SH3RF2: variants seen among roughly 807,000 people sequenced by gnomAD.
The protein encoded by SH3RF2 is E3 ubiquitin-protein ligase SH3RF2.
SH3RF2 carries 43 observed loss-of-function variants against 59.0 expected under a neutral mutation model. The ratio of observed to expected loss-of-function variants is 0.73; its 90% confidence interval spans 0.57 to 0.94. The LOEUF is 0.94. Among genes scored for constraint, SH3RF2 ranks in the 40% least tolerant of loss-of-function variants. The pLI, the probability that SH3RF2 is intolerant of heterozygous loss-of-function variation, is 0.00. For synonymous variants in SH3RF2, 391 were observed against 391.5 expected, an observed-to-expected ratio of 1.00 and a Z score of 0.01; for missense variants, 930 against 940.1, an observed-to-expected ratio of 0.99 and a Z score of 0.14.
At chr5:145,995,651 G>C (rs1760119789) in intron 2 of SH3RF2, among the ~76,000 whole-genome samples, 1 of 152,042 alleles carries the variant, frequency 6.6e-6, no homozygotes, top group South Asian at 2.1e-4. Flanking sequence ...TTATAGAAAA[G>C]TTAGAGAACA....
At chr5:146,014,766 C>T (rs1445866570) in intron 5 of SH3RF2, among the ~76,000 whole-genome samples, 1 of 152,166 alleles carries the variant, frequency 6.6e-6, no homozygotes, top group Non-Finnish European at 1.5e-5. Context: ...TGATGCCCAC[C>T]ATATACTAAG....
rs575242298 is a variant in SH3RF2 at position 146,036,693 on chromosome 5, T to G, written c.1060-11079T>G. On this transcript the variant is annotated intron_variant, in intron 5 of 9. Transcript: ENST00000359120. ...CTGGGTGACAGAGCGAAACTCTATC[T>G]AAAAAAAAGAGAAAACAGCAAGGGA... Among the ~76,000 whole-genome samples the G allele has an allele frequency of 9.2e-5, 14 of 152,022 alleles. No homozygotes were observed. In the South Asian group the frequency reaches 1.7e-3, roughly 18 times the overall value.
At chr5:145,994,055 G>A (rs947271514) in intron 2 of SH3RF2, among the ~76,000 whole-genome samples, 3 of 152,122 alleles carry the variant, frequency 2.0e-5, no homozygotes, top group African/African-American at 7.2e-5. Context: ...CACCAGATAC[G>A]CTAAATCAAC....
At position 145,979,687 on chromosome 5, in the gene SH3RF2, C is replaced by T. The variant is rs538292301; in HGVS notation, c.379-20371C>T. On this transcript the variant is annotated intron_variant, in intron 2 of 9. Coordinates refer to ENST00000359120, the MANE Select transcript of SH3RF2 (RefSeq NM_152550.4). ...ACAAGCCCATGGAAGCTGGCTCCAG[C>T]ACACCATTGTCTCTAAGACTCAATT... Among the ~76,000 whole-genome samples the T allele has an allele frequency of 7.9e-4, 121 of 152,318 alleles. 1 individual carries two copies. Among genetic ancestry groups the T allele is most frequent in the African/African-American group, 2.8e-3 (118 of 41,582 alleles).
At chr5:146,036,626 C>T (rs566434940) in intron 5 of SH3RF2, among the ~76,000 whole-genome samples, 63 of 152,176 alleles carry the variant, frequency 4.1e-4, no homozygotes, top group Admixed American at 1.7e-3. Context: ...ACATGGCAGG[C>T]AGAGGTTGCA....
chr5:145,938,114 G>T lies in SH3RF2; in HGVS notation c.186G>T (p.Ala62=), dbSNP rs768635095. Residue 62 remains alanine, a synonymous_variant, in exon 2 of 10, where the codon GCG becomes GCT. Coordinates refer to ENST00000359120, the MANE Select transcript of SH3RF2 (RefSeq NM_152550.4). Reference sequence around the variant, plus strand: ...CGCCTGTGTTTTCCAACATTGAGGCGCTGCCGGCCAACCTGCTGCTCGTGC... The same window carrying T: ...CGCCTGTGTTTTCCAACATTGAGGCTCTGCCGGCCAACCTGCTGCTCGTGC... ...CRTPVFSNIE[A]LPANLLLVRL... 1 of 1,614,220 alleles carries T rather than the reference G, an allele frequency of 6.2e-7. No homozygotes were observed. The highest frequency in any genetic ancestry group is 8.5e-7 in the Non-Finnish European group (1 of 1,180,040).
intron 2 of SH3RF2, among the ~76,000 whole-genome samples, chr5:145,996,378 T>C (rs1036470453): frequency 1.1e-4 from 17 of 152,196 alleles, no homozygotes; most frequent in Admixed American, 3.3e-4. Context: ...TGTTAGAACT[T>C]GCAGTTTACC....
chr5:145,949,483 G>C (rs1202802995), intron 2 of SH3RF2, among the ~76,000 whole-genome samples: 1 of 152,166 alleles, frequency 6.6e-6, no homozygotes, highest in African/African-American at 2.4e-5. Context: ...AATCTTATCT[G>C]GGACTTTTGC....
chr5:146,080,733 T>TG (rs1331132695), exon 10 of SH3RF2: 6 of 152,246 alleles, frequency 3.9e-5, no homozygotes, highest in African/African-American at 7.2e-5. Flanking sequence ...GTGTTGGTGT[T>TG]GGTGTTGTTT....
intron 2 of SH3RF2, chr5:145,997,775 C>T: frequency 1.9e-6 from 3 of 1,570,658 alleles, no homozygotes. Flanking sequence ...AAAAAAGAGT[C>T]ACTCCCTAAA....
At chr5:146,000,004 T>C (rs1314104924) in intron 2 of SH3RF2, 54 bp from the exon 3 acceptor site, 2 of 1,569,198 alleles carry the variant, frequency 1.3e-6, no homozygotes, top group East Asian at 4.6e-5. Context: ...TTGTATCTTC[T>C]GTTCCTCTAG....
At chr5:146,063,678 G>T (rs190473917), downstream of SH3RF2, among the ~76,000 whole-genome samples, 4 of 152,116 alleles carry the variant, frequency 2.6e-5, no homozygotes, top group African/African-American at 4.8e-5. Context: ...TGGCCAACAT[G>T]ATCAAACCCC....
intron 2 of SH3RF2, among the ~76,000 whole-genome samples, chr5:145,979,560 G>A (rs1279629140): frequency 6.6e-6 from 1 of 152,108 alleles, no homozygotes; most frequent in South Asian, 2.1e-4. Flanking sequence ...AAATGGGTTC[G>A]CTCATTTTCA....
chr5:145,953,380 A>G (rs1189118079), intron 2 of SH3RF2, among the ~76,000 whole-genome samples: 1 of 152,128 alleles, frequency 6.6e-6, no homozygotes, highest in African/African-American at 2.4e-5. Flanking sequence ...GGACTTGGCA[A>G]GATCTGAGTT....
intron 5 of SH3RF2, among the ~76,000 whole-genome samples, chr5:146,037,789 C>A (rs975938788): frequency 1.3e-5 from 2 of 152,162 alleles, no homozygotes; most frequent in African/African-American, 4.8e-5. Context: ...TATATAAATT[C>A]TTCCAAAGAA....
At chr5:145,993,063 T>A (rs1412145586) in intron 2 of SH3RF2, among the ~76,000 whole-genome samples, 1 of 151,812 alleles carries the variant, frequency 6.6e-6, no homozygotes, top group Non-Finnish European at 1.5e-5. Flanking sequence ...ATACAGCCAT[T>A]TCAAATGGGA....
chr5:146,039,429 C>T (rs962115278), intron 5 of SH3RF2, among the ~76,000 whole-genome samples: 1 of 151,182 alleles, frequency 6.6e-6, no homozygotes, highest in African/African-American at 2.4e-5. Flanking sequence ...CATGGAAGAG[C>T]GGGATACGAA....
chr5:146,031,869 C>A (rs1761756175), intron 5 of SH3RF2, among the ~76,000 whole-genome samples: 1 of 152,148 alleles, frequency 6.6e-6, no homozygotes, highest in South Asian at 2.1e-4. Context: ...TTGGCTGGTG[C>A]ATCCCCAGCA....
intron 7 of SH3RF2, among the ~76,000 whole-genome samples, chr5:146,053,964 C>CA (rs1237312804): frequency 6.6e-6 from 1 of 152,186 alleles, no homozygotes; most frequent in Non-Finnish European, 1.5e-5. Context: ...TAAGGGCTAA[C>CA]ATCCCAGTTA....
Sources: gnomAD v4.1 joint callset for allele counts (sites outside exome capture counted in the v4.1 genomes callset) on GRCh38, gnomAD v4.1.1 for gene constraint, MANE v1.5 for transcripts, NCBI Gene and HGNC (gene_info 2026-07-23, HGNC 2026-07-21) for gene names.